The following ESRRG variants were observed in gnomAD, a reference collection of about 807,000 sequenced individuals.
ESRRG encodes the protein estrogen-related receptor gamma.
Under a neutral mutation model 44.0 loss-of-function variants are expected in ESRRG, and 13 were observed. That is an observed-to-expected ratio of 0.30 (90% CI 0.19 to 0.47). The LOEUF (loss-of-function observed/expected upper bound fraction) is 0.47, where lower values mean the gene tolerates loss of function less well. Ranked by LOEUF, ESRRG falls within the 20% of genes least tolerant of loss-of-function variation. The pLI, the probability that ESRRG is intolerant of heterozygous loss-of-function variation, is 1.00. For synonymous variants in ESRRG, 215 were observed against 214.6 expected (o/e 1.00, Z -0.02); for missense variants, 395 against 580.6 (o/e 0.68, Z 3.29).
At chr1:216,624,648 C>G (rs1014100807) in intron 3 of ESRRG, among the ~76,000 whole-genome samples, 2 of 152,150 alleles carry the variant, frequency 1.3e-5, no homozygotes, top group African/African-American at 4.8e-5. Flanking sequence ...AATACATAAC[C>G]GAACCTTCAT....
intron 2 of ESRRG, among the ~76,000 whole-genome samples, chr1:216,739,162 G>C (rs958403922): frequency 2.0e-4 from 30 of 151,912 alleles, no homozygotes; most frequent in Non-Finnish European, 3.7e-4. Flanking sequence ...TCCCATGACT[G>C]TAAGCCTCTT....
rs754735743 is a variant in ESRRG at position 216,873,209 on chromosome 1, GTTTTTT to G, written c.-14+66367_-14+66372del. Among the ~76,000 whole-genome samples the G allele has an allele frequency of 2.8e-5, 3 of 105,948 alleles. 1 individual carries two copies. The highest frequency in any genetic ancestry group is 3.3e-4 in the South Asian group (1 of 3,008). The allele number at this position is 105,948 out of a possible 152,430, so 69.5% of individuals were successfully genotyped here. A position where few individuals can be genotyped will look rare whatever the true frequency, so the allele number is the denominator to read the frequency against. Reference sequence around the variant, plus strand: ...CCAGGAGTTCATAAACATCTTTTCAGTTTTTTTTTTTTTTTTTTTTTGACAGAGTTT... The same window carrying G: ...CCAGGAGTTCATAAACATCTTTTCAGTTTTTTTTTTTTTTTGACAGAGTTT... On this transcript the variant is annotated intron_variant, in intron 2 of 7. Transcript: ENST00000359162.
intron 3 of ESRRG, among the ~76,000 whole-genome samples, chr1:216,605,972 G>A (rs1390887391): frequency 6.6e-6 from 1 of 151,902 alleles, no homozygotes; most frequent in South Asian, 2.1e-4. Flanking sequence ...TGCTGCCCCT[G>A]CTCGCCTTCT....
At chr1:217,118,163 C>T (rs1451639274) in intron 1 of ESRRG, among the ~76,000 whole-genome samples, 1 of 152,214 alleles carries the variant, frequency 6.6e-6, no homozygotes, top group Non-Finnish European at 1.5e-5. Flanking sequence ...TGGGGAAACT[C>T]AGAAACCATG....
intron 5 of ESRRG, among the ~76,000 whole-genome samples, chr1:216,539,289 G>A (rs992713264): frequency 2.0e-5 from 3 of 151,652 alleles, no homozygotes; most frequent in African/African-American, 7.3e-5. Flanking sequence ...TGAATTTGAA[G>A]AATTTTCATA....
intron 2 of ESRRG, among the ~76,000 whole-genome samples, chr1:216,651,713 T>C (rs2069019395): frequency 6.6e-6 from 1 of 152,170 alleles, no homozygotes. Context: ...TCATCATCAT[T>C]ATCATCCTCA....
intron 1 of ESRRG, among the ~76,000 whole-genome samples, chr1:216,715,561 G>A (rs17043513): frequency 0.14 from 20,646 of 152,030 alleles, 1,495 homozygotes; most frequent in East Asian, 0.2. Context: ...GAATTATGGA[G>A]GGCAAAGGGC....
At chr1:216,534,464 T>C (rs2050302760) in intron 5 of ESRRG, among the ~76,000 whole-genome samples, 1 of 152,154 alleles carries the variant, frequency 6.6e-6, no homozygotes. Context: ...CAAATTCGAT[T>C]ATAGCTCATG....
chr1:216,628,786 G>A (rs1477699275), intron 3 of ESRRG, among the ~76,000 whole-genome samples: 1 of 152,018 alleles, frequency 6.6e-6, no homozygotes, highest in Non-Finnish European at 1.5e-5. Flanking sequence ...TTAACCTCAG[G>A]CAAAGTCCAA....
chr1:216,870,327 A>T (rs2096242646), intron 2 of ESRRG, among the ~76,000 whole-genome samples: 1 of 151,800 alleles, frequency 6.6e-6, no homozygotes, highest in African/African-American at 2.4e-5. Flanking sequence ...CCTGGTTTAC[A>T]AAATAAACCT....
chr1:216,819,356 C>A (rs1329180058), intron 2 of ESRRG, among the ~76,000 whole-genome samples: 1 of 145,220 alleles, frequency 6.9e-6, no homozygotes, highest in East Asian at 2.0e-4. Flanking sequence ...TACTTCAAAT[C>A]CTTCCTATTC....
intron 2 of ESRRG, among the ~76,000 whole-genome samples, chr1:216,791,447 C>T (rs1359796489): frequency 6.6e-6 from 1 of 152,096 alleles, no homozygotes; most frequent in Non-Finnish European, 1.5e-5. Flanking sequence ...AATTAAACTT[C>T]TGTTCTTATA....
At chr1:217,100,110 T>C (rs1019549128) in intron 1 of ESRRG, among the ~76,000 whole-genome samples, 1 of 152,202 alleles carries the variant, frequency 6.6e-6, no homozygotes, top group Non-Finnish European at 1.5e-5. Context: ...GGGGAAGCTA[T>C]GTAATTACTT....
intron 2 of ESRRG, among the ~76,000 whole-genome samples, chr1:216,910,762 A>G (rs1389108291): frequency 6.6e-6 from 1 of 152,232 alleles, no homozygotes; most frequent in Non-Finnish European, 1.5e-5. Context: ...AAATGTGTGA[A>G]GTGAAGCACT....
chr1:216,635,572 G>A (rs561175346), intron 3 of ESRRG, among the ~76,000 whole-genome samples: 112 of 152,202 alleles, frequency 7.4e-4, no homozygotes, highest in Non-Finnish European at 1.1e-3. Context: ...AGCAATGTCC[G>A]GATGAGAAGT....
chr1:217,072,604 C>T (rs551882487), intron 1 of ESRRG, among the ~76,000 whole-genome samples: 1 of 152,260 alleles, frequency 6.6e-6, no homozygotes, highest in African/African-American at 2.4e-5. Context: ...CCAAGGATTG[C>T]GGAATTTTGA....
chr1:216,751,623 G>T (rs574635056), intron 2 of ESRRG, among the ~76,000 whole-genome samples: 36 of 151,962 alleles, frequency 2.4e-4, no homozygotes, highest in African/African-American at 8.7e-4. Flanking sequence ...CAGGGCCTGG[G>T]AGCCACCAGT....
At chr1:217,072,974 G>T (rs1327066961) in intron 1 of ESRRG, among the ~76,000 whole-genome samples, 1 of 151,742 alleles carries the variant, frequency 6.6e-6, no homozygotes, top group Non-Finnish European at 1.5e-5. Flanking sequence ...TCTCCCAAGG[G>T]CATGTTCTCT....
At chr1:216,926,484 T>C (rs1338173941) in intron 2 of ESRRG, among the ~76,000 whole-genome samples, 2 of 151,480 alleles carry the variant, frequency 1.3e-5, no homozygotes, top group African/African-American at 4.9e-5. Flanking sequence ...ATCCATGGAG[T>C]CCAAAGACCA....
Sources: allele counts gnomAD v4.1 joint callset (sites outside exome capture counted in the v4.1 genomes callset), GRCh38; gene constraint gnomAD v4.1.1; transcripts MANE v1.5; gene names NCBI Gene and HGNC (gene_info 2026-07-23, HGNC 2026-07-21).